The following FRMPD1 variants were observed in gnomAD, a reference collection of about 807,000 sequenced individuals.
FRMPD1 encodes the protein FERM and PDZ domain-containing protein 1.
A neutral mutation model predicts 117.8 loss-of-function variants in FRMPD1; 76 were observed. That is an observed-to-expected ratio of 0.65 (90% CI 0.54 to 0.78). The LOEUF (loss-of-function observed/expected upper bound fraction) is 0.78. Among genes scored for constraint, FRMPD1 ranks in the 30% least tolerant of loss-of-function variants. The probability of loss-of-function intolerance (pLI) is 0.00; values close to 1 mark genes in which losing one functional copy is unlikely to be tolerated. For missense variants in FRMPD1, 1,786 were observed against 1,964.5 expected (o/e 0.91, Z 1.72); for synonymous variants, 783 against 770.4 (o/e 1.02, Z -0.27).
intron 2 of FRMPD1, chr9:37,693,404 T>C (rs1237399442): frequency 6.6e-6 from 1 of 152,278 alleles, no homozygotes; most frequent in South Asian, 2.1e-4. Flanking sequence ...ATATCACGTG[T>C]CAGGTGTTTC....
At chr9:37,695,863 G>A (rs568597320) in intron 2 of FRMPD1, among the ~76,000 whole-genome samples, 191 of 151,966 alleles carry the variant, frequency 1.3e-3, no homozygotes, top group Non-Finnish European at 2.5e-3. Flanking sequence ...CAGCTATAGT[G>A]GACTTTTCGA....
In FRMPD1 at chr9:37,722,761, CT is replaced by C. The variant is rs67488630; in HGVS notation, c.517-1454del. Among the ~76,000 whole-genome samples the C allele has an allele frequency of 2.7e-3, 402 of 150,280 alleles. 2 individuals carry two copies. The highest frequency in any genetic ancestry group is 8.6e-3 in the African/African-American group (349 of 40,800). On this transcript the variant is annotated intron_variant, in intron 6 of 15. Transcript: ENST00000377765. ...TGCAACCAAACACTCAGAATCACTT[CT>C]TTTTTTTTTCTTTTTTTCTTTTATT...
intron 2 of FRMPD1, 77 bp downstream of exon 2, chr9:37,692,819 C>T (rs994200944): frequency 2.0e-5 from 21 of 1,032,602 alleles, no homozygotes; most frequent in Non-Finnish European, 2.8e-5. Flanking sequence ...TGGTCCTGGC[C>T]GCACCTTGGG....
intron 1 of FRMPD1, among the ~76,000 whole-genome samples, chr9:37,682,746 T>C (rs1215396455): frequency 6.6e-6 from 1 of 152,154 alleles, no homozygotes; most frequent in Non-Finnish European, 1.5e-5. Context: ...AGGGTTTTAC[T>C]AAGAAAAAAT....
At chr9:37,692,568 G>A (rs533029778) in intron 1 of FRMPD1, 70 bp from the exon 2 acceptor site, 24 of 978,226 alleles carry the variant, frequency 2.5e-5, no homozygotes, top group East Asian at 4.8e-5. Context: ...AGGAAGCATC[G>A]TCCTGATTTA....
the FRMPD1 span, among the ~76,000 whole-genome samples, chr9:37,636,106 C>T: frequency 6.6e-6 from 1 of 152,204 alleles, no homozygotes; most frequent in African/African-American, 2.4e-5. Flanking sequence ...TACTCAGACC[C>T]CACCGCAGCT....
At chr9:37,700,511 C>G (rs1323295520) in intron 2 of FRMPD1, among the ~76,000 whole-genome samples, 1 of 152,214 alleles carries the variant, frequency 6.6e-6, no homozygotes, top group East Asian at 1.9e-4. Flanking sequence ...CCACATCCTG[C>G]TGGAACTCGG....
At chr9:37,648,793 A>G (rs1022331695), upstream of FRMPD1, among the ~76,000 whole-genome samples, 5 of 152,074 alleles carry the variant, frequency 3.3e-5, no homozygotes, top group African/African-American at 1.2e-4. Context: ...TTTGGGGGTA[A>G]GATGTGGGTT....
chr9:37,673,066 T>C (rs12005774), intron 1 of FRMPD1, among the ~76,000 whole-genome samples: 24,031 of 152,074 alleles, frequency 0.16, 2,649 homozygotes, highest in East Asian at 0.47. Context: ...AAAGTCTTAA[T>C]TCATTTCAAC....
chr9:37,629,789 C>A, the FRMPD1 span, among the ~76,000 whole-genome samples: 1 of 152,210 alleles, frequency 6.6e-6, no homozygotes, highest in Admixed American at 6.5e-5. Flanking sequence ...CCTGCCCTGC[C>A]TTCCTCCTGG....
chr9:37,713,062 T>C (rs1822970237), intron 5 of FRMPD1, among the ~76,000 whole-genome samples: 1 of 151,910 alleles, frequency 6.6e-6, no homozygotes, highest in Non-Finnish European at 1.5e-5. Flanking sequence ...AATATATCAG[T>C]TATTATATTA....
intron 1 of FRMPD1, among the ~76,000 whole-genome samples, chr9:37,675,540 T>C (rs1821498370): frequency 6.6e-6 from 1 of 151,778 alleles, no homozygotes; most frequent in African/African-American, 2.4e-5. Context: ...TGGAAAGTGG[T>C]TGGATATGGG....
the FRMPD1 span, among the ~76,000 whole-genome samples, chr9:37,626,622 G>GAAAGAAAAAAAA: frequency 2.1e-5 from 1 of 48,650 alleles, no homozygotes; most frequent in Non-Finnish European, 3.9e-5. Flanking sequence ...CCTGGTATCT[G>GAAAGAAAAAAAA]AAAAAAAAAA....
chr9:37,732,036 A>G (rs1423064144), intron 9 of FRMPD1, among the ~76,000 whole-genome samples: 1 of 152,204 alleles, frequency 6.6e-6, no homozygotes, highest in Non-Finnish European at 1.5e-5. Context: ...TTATATTTGT[A>G]TAACACTGTG....
Position 37,740,969 on chromosome 9 carries a change from A to G in FRMPD1, c.2356+85A>G. 1 of 1,007,212 alleles carries G rather than the reference A, an allele frequency of 9.9e-7. No individual in the cohort carries two copies. The highest frequency in any genetic ancestry group is 1.6e-6 in the Non-Finnish European group (1 of 639,250). 62.4% of individuals were successfully genotyped at this position (1,007,212 alleles called of 1,614,324 possible). A position where few individuals can be genotyped will look rare whatever the true frequency, so the allele number is the denominator to read the frequency against. ...ATCAAGGCCTGGGGCCAAGCTTGAG[A>G]GGAAGGCACATGAGTGAAACAGGGT... On this transcript the variant is annotated intron_variant, in intron 15 of 15. Transcript: ENST00000377765. The surrounding 1 kb of genome is among the most constrained non-coding windows in gnomAD (Gnocchi z 4.2).
intron 2 of FRMPD1, among the ~76,000 whole-genome samples, chr9:37,702,925 T>C (rs1360794704): frequency 1.3e-5 from 2 of 152,176 alleles, no homozygotes; most frequent in Non-Finnish European, 2.9e-5. Context: ...TATCGGGTTG[T>C]TTTGAGTTTT....
At chr9:37,708,362 C>T (rs375131577) in intron 3 of FRMPD1, 37 bp from the exon 4 acceptor site, 49 of 1,292,124 alleles carry the variant, frequency 3.8e-5, no homozygotes, top group African/African-American at 3.6e-4. Flanking sequence ...TGGGTCCTCC[C>T]GGCATGAGCA....
the FRMPD1 span, among the ~76,000 whole-genome samples, chr9:37,624,659 T>C: frequency 1.3e-5 from 2 of 152,336 alleles, no homozygotes; most frequent in Non-Finnish European, 2.9e-5. Flanking sequence ...CAACTCTCTA[T>C]GATTATTATG....
chr9:37,629,435 G>A, the FRMPD1 span, among the ~76,000 whole-genome samples: 1 of 152,184 alleles, frequency 6.6e-6, no homozygotes, highest in African/African-American at 2.4e-5. Flanking sequence ...ATGGAGTGGA[G>A]TGGGGGCTGC....
Sources: gnomAD v4.1 joint callset for allele counts (sites outside exome capture counted in the v4.1 genomes callset) on GRCh38, gnomAD v4.1.1 for gene constraint, Gnocchi (gnomAD v3.1) non-coding constraint, MANE v1.5 for transcripts, NCBI Gene and HGNC (gene_info 2026-07-23, HGNC 2026-07-21) for gene names.